Variants in OSBPL1A observed in about 807,000 individuals in gnomAD.
OSBPL1A encodes oxysterol-binding protein-related protein 1.
A neutral mutation model predicts 137.1 loss-of-function variants in OSBPL1A; 80 were observed. That is an observed-to-expected ratio of 0.58 (90% CI 0.49 to 0.70). The LOEUF is 0.70. OSBPL1A is among the 30% of genes least tolerant of loss of function. The pLI, the probability that OSBPL1A is intolerant of heterozygous loss-of-function variation, is 0.00. For missense variants in OSBPL1A, 970 were observed against 1,129.4 expected (o/e 0.86, Z 2.02); for synonymous variants, 365 against 389.7 (o/e 0.94, Z 0.75).
intron 20 of OSBPL1A, chr18:24,179,443 A>C (rs568073229): frequency 2.6e-4 from 90 of 345,484 alleles, no homozygotes; most frequent in African/African-American, 1.2e-3. Flanking sequence ...AGTAAAAAAA[A>C]AAAACAAAAC....
intron 14 of OSBPL1A, among the ~76,000 whole-genome samples, chr18:24,294,477 G>T (rs981012827): frequency 6.6e-6 from 1 of 151,934 alleles, no homozygotes; most frequent in Non-Finnish European, 1.5e-5. Context: ...CAGGTGATCC[G>T]CCCGACTCAG....
intron 15 of OSBPL1A, among the ~76,000 whole-genome samples, chr18:24,267,342 T>C (rs1023986457): frequency 6.6e-6 from 1 of 152,004 alleles, no homozygotes; most frequent in Non-Finnish European, 1.5e-5. Flanking sequence ...GGTGGTTTTA[T>C]AAGAAAGTTC....
At chr18:24,324,954 C>T (rs372119706) in intron 7 of OSBPL1A, among the ~76,000 whole-genome samples, 25 of 151,832 alleles carry the variant, frequency 1.6e-4, no homozygotes, top group East Asian at 1.2e-3. Context: ...GGCATGGTAG[C>T]GCGCACCTGT....
chr18:24,272,230 T>C, intron 15 of OSBPL1A: 1 of 982,180 alleles, frequency 1.0e-6, no homozygotes, highest in Non-Finnish European at 1.2e-6. Flanking sequence ...ACACCGGCCC[T>C]GGCAACTTTT....
chr18:24,364,787 C>G (rs1188136375), intron 4 of OSBPL1A: 1 of 151,576 alleles, frequency 6.6e-6, no homozygotes, highest in Non-Finnish European at 1.5e-5. Flanking sequence ...TCTGAGAGAC[C>G]GAGGTGGGTG....
At position 24,225,118 on chromosome 18, in the gene OSBPL1A, T is replaced by G; in HGVS notation, c.1525A>C (p.Ser509Arg). The change falls in exon 17 of 28, where the codon AGT becomes CGT. Residue 509 changes from serine to arginine, a missense_variant. Physicochemically the swap from Ser to Arg is moderately radical, Grantham distance 110. Around this residue, in one of 2 missense-constraint regions of OSBPL1A, gnomAD observed 647 missense variants for 672.6 expected, o/e 0.96. Transcript: ENST00000319481. Reference sequence around the variant, plus strand: ...TCTTCGGACATTCTGTGTTTTCTACTGCCCAAATGCTCTCCTTCCTCTTCA... The same window carrying G: ...TCTTCGGACATTCTGTGTTTTCTACGGCCCAAATGCTCTCCTTCCTCTTCA... ...SFEEEGEHLGSRKHRMSEEKD... is the reference protein window; with the variant it reads ...SFEEEGEHLGRRKHRMSEEKD... 1 of 1,614,214 alleles carries G rather than the reference T, an allele frequency of 6.2e-7. No individual in the cohort carries two copies. The highest frequency in any genetic ancestry group is 8.5e-7 in the Non-Finnish European group (1 of 1,180,010).
chr18:24,372,271 T>C (rs1367343055), intron 2 of OSBPL1A, among the ~76,000 whole-genome samples: 3 of 141,690 alleles, frequency 2.1e-5, no homozygotes, highest in Non-Finnish European at 3.0e-5. Flanking sequence ...CAAGACGCTG[T>C]CGCAAAAAAA....
intron 18 of OSBPL1A, among the ~76,000 whole-genome samples, chr18:24,192,186 C>T (rs2086905931): frequency 6.6e-6 from 1 of 152,118 alleles, no homozygotes; most frequent in Admixed American, 6.6e-5. Context: ...GTGCTGAGGT[C>T]CTGGGGCTGG....
rs542363059 is a variant in OSBPL1A at position 24,392,619 on chromosome 18, GAACA to G, written c.-3+5032_-3+5035del. 1.5e-3 allele frequency among the ~76,000 whole-genome samples: 223 copies of G among 152,324 alleles called. 1 individual carries two copies. The highest frequency in any genetic ancestry group is 4.9e-3 in the African/African-American group (205 of 41,578). ...TGAATGAGAAAAATTAAATGTCTAT[GAACA>G]AACACATCCTATAAACTAAATCTTA... On this transcript the variant is annotated intron_variant, in intron 1 of 27. Coordinates refer to ENST00000319481, the MANE Select transcript of OSBPL1A (RefSeq NM_080597.4).
chr18:24,219,956 T>C (rs1489081116), intron 17 of OSBPL1A, among the ~76,000 whole-genome samples: 2 of 152,248 alleles, frequency 1.3e-5, no homozygotes, highest in African/African-American at 4.8e-5. Flanking sequence ...ATTGGAGCCC[T>C]ATTCGCTGGA....
chr18:24,267,075 A>T (rs929718656), intron 15 of OSBPL1A, among the ~76,000 whole-genome samples: 1 of 151,792 alleles, frequency 6.6e-6, no homozygotes, highest in Non-Finnish European at 1.5e-5. Flanking sequence ...ATTTATTTGG[A>T]GATATCCAAG....
chr18:24,312,258 A>AT, intron 12 of OSBPL1A, 152 bp from the exon 13 acceptor site: 1 of 777,314 alleles, frequency 1.3e-6, no homozygotes, highest in East Asian at 2.8e-5. Flanking sequence ...TGAAACAGCA[A>AT]TGTGGGTCTC....
chr18:24,363,623 T>C (rs776955470), intron 4 of OSBPL1A, among the ~76,000 whole-genome samples: 4 of 151,444 alleles, frequency 2.6e-5, no homozygotes, highest in Non-Finnish European at 5.9e-5. Context: ...TTTCTTTTCT[T>C]TTCCCTTCCT....
At chr18:24,272,345 C>T in intron 15 of OSBPL1A, 1 of 946,542 alleles carries the variant, frequency 1.1e-6, no homozygotes, top group Non-Finnish European at 1.3e-6. Flanking sequence ...CTTACTCCGG[C>T]TCACGCTGAA....
At chr18:24,266,278 AAC>A (rs1010256691) in intron 15 of OSBPL1A, among the ~76,000 whole-genome samples, 1 of 152,170 alleles carries the variant, frequency 6.6e-6, no homozygotes, top group African/African-American at 2.4e-5. Context: ...CATAAAGAAT[AAC>A]ACAGATCATG....
At chr18:24,377,362 A>AAT (rs1286276585) in intron 2 of OSBPL1A, 51 bp downstream of exon 2, 1 of 1,534,730 alleles carries the variant, frequency 6.5e-7, no homozygotes. Context: ...ATAAATGCTA[A>AAT]GAGTAGTGCA....
intron 14 of OSBPL1A, among the ~76,000 whole-genome samples, chr18:24,283,953 T>C (rs2090016143): frequency 6.6e-6 from 1 of 151,616 alleles, no homozygotes; most frequent in Non-Finnish European, 1.5e-5. Flanking sequence ...CAAATATATA[T>C]ATATGTGTGT....
intron 15 of OSBPL1A, among the ~76,000 whole-genome samples, chr18:24,261,294 G>A (rs1338761373): frequency 6.6e-6 from 1 of 152,154 alleles, no homozygotes; most frequent in Non-Finnish European, 1.5e-5. Context: ...GAGGCAGTAA[G>A]GAACTTTTGG....
chr18:24,301,433 G>T (rs577641059), intron 14 of OSBPL1A: 1 of 152,118 alleles, frequency 6.6e-6, no homozygotes, highest in South Asian at 2.1e-4. Context: ...TTCATATTTC[G>T]TATCACTGGA....
Sources: gnomAD v4.1 joint callset for allele counts (sites outside exome capture counted in the v4.1 genomes callset) on GRCh38, gnomAD v4.1.1 for gene constraint, gnomAD v4.1.1 regional missense constraint, MANE v1.5 for transcripts, NCBI Gene and HGNC (gene_info 2026-07-23, HGNC 2026-07-21) for gene names.